The following HS6ST3 variants were observed in gnomAD, a reference collection of about 807,000 sequenced individuals.
HS6ST3 encodes the protein heparan sulfate 6-O-sulfotransferase 3.
A neutral mutation model predicts 36.7 loss-of-function variants in HS6ST3; 12 were observed. The ratio of observed to expected loss-of-function variants is 0.33; its 90% CI spans 0.21 to 0.53. The LOEUF (loss-of-function observed/expected upper bound fraction) is 0.53, where lower values mean the gene tolerates loss of function less well. Among genes scored for constraint, HS6ST3 ranks in the 20% least tolerant of loss-of-function variants. The pLI, the probability that HS6ST3 is intolerant of heterozygous loss-of-function variation, is 0.95. For missense variants in HS6ST3, 584 were observed against 640.9 expected, an observed-to-expected ratio of 0.91 and a Z score of 0.96; for synonymous variants, 240 against 257.5, an observed-to-expected ratio of 0.93 and a Z score of 0.65.
At chr13:96,650,398 C>T (rs969228053) in intron 1 of HS6ST3, among the ~76,000 whole-genome samples, 1 of 151,836 alleles carries the variant, frequency 6.6e-6, no homozygotes, top group African/African-American at 2.4e-5. Flanking sequence ...ACTTTCATTT[C>T]TGTCTTATAT....
intron 1 of HS6ST3, among the ~76,000 whole-genome samples, chr13:96,656,989 G>C (rs1478197671): frequency 7.1e-6 from 1 of 140,866 alleles, no homozygotes; most frequent in Non-Finnish European, 1.5e-5. Context: ...GTGTGTGTGT[G>C]TGTGTGTGTG....
At chr13:96,213,929 T>G (rs9525156) in intron 1 of HS6ST3, among the ~76,000 whole-genome samples, 73,004 of 151,910 alleles carry the variant, frequency 0.48, 17,922 homozygotes, top group Admixed American at 0.58. Flanking sequence ...TGTGAAATAT[T>G]TATACCTATG....
chr13:96,437,221 C>T (rs144875528), intron 1 of HS6ST3, among the ~76,000 whole-genome samples: 112 of 152,328 alleles, frequency 7.4e-4, no homozygotes, highest in African/African-American at 2.6e-3. Flanking sequence ...AGATCAGGCC[C>T]ATTCTCCAGC....
At chr13:96,496,381 C>T (rs1284590918) in intron 1 of HS6ST3, among the ~76,000 whole-genome samples, 1 of 152,130 alleles carries the variant, frequency 6.6e-6, no homozygotes, top group East Asian at 1.9e-4. Flanking sequence ...CTTGACCCAT[C>T]AAGAGGGACA....
At chr13:96,600,825 G>A (rs2056418811) in intron 1 of HS6ST3, among the ~76,000 whole-genome samples, 1 of 151,728 alleles carries the variant, frequency 6.6e-6, no homozygotes, top group South Asian at 2.1e-4. Context: ...TCTATATTTA[G>A]AACTCCTTTT....
chr13:96,690,801 A>G (rs1261138104), intron 1 of HS6ST3, among the ~76,000 whole-genome samples: 1 of 141,276 alleles, frequency 7.1e-6, no homozygotes. Flanking sequence ...GAACACATGT[A>G]GTAGATATAA....
chr13:96,261,791 T>G (rs1265923730), intron 1 of HS6ST3, among the ~76,000 whole-genome samples: 1 of 152,194 alleles, frequency 6.6e-6, no homozygotes, highest in African/African-American at 2.4e-5. Flanking sequence ...ATATGGTCCC[T>G]GTTTTATTTT....
intron 1 of HS6ST3, among the ~76,000 whole-genome samples, chr13:96,527,006 G>A (rs2056116866): frequency 6.6e-6 from 1 of 152,092 alleles, no homozygotes; most frequent in African/African-American, 2.4e-5. Context: ...AATAAAGATA[G>A]ATTTTTAAAT....
chr13:96,325,231 T>G (rs769187366), intron 1 of HS6ST3, among the ~76,000 whole-genome samples: 42 of 152,322 alleles, frequency 2.8e-4, no homozygotes, highest in Non-Finnish European at 5.7e-4. Context: ...TTTTGATAAG[T>G]ATTTCTTTTG....
At position 96,521,950 on chromosome 13, in the gene HS6ST3, C is replaced by T. The variant is rs997538525; in HGVS notation, c.708-310540C>T. On this transcript the variant is annotated intron_variant, in intron 1 of 1. Coordinates refer to ENST00000376705, the MANE Select transcript of HS6ST3 (RefSeq NM_153456.4). ...TCTTTTAATTGTGATGTTAGGGTGT[C>T]GATTTTCGATCTCTCCTGCTTTCTC... Among the ~76,000 whole-genome samples the T allele has an allele frequency of 3.3e-5, 5 of 152,138 alleles. No homozygotes were observed. In the East Asian group the frequency reaches 7.7e-4, roughly 24 times the overall value.
At chr13:96,271,311 A>G (rs1447466785) in intron 1 of HS6ST3, among the ~76,000 whole-genome samples, 2 of 151,918 alleles carry the variant, frequency 1.3e-5, no homozygotes, top group Non-Finnish European at 2.9e-5. Context: ...GGAAGTGGTA[A>G]GCTTTAAGTT....
intron 1 of HS6ST3, among the ~76,000 whole-genome samples, chr13:96,601,849 TG>T: frequency 6.6e-6 from 1 of 152,276 alleles, no homozygotes; most frequent in South Asian, 2.1e-4. Flanking sequence ...GCTTTGGATC[TG>T]GGTGCTTTCC....
At chr13:96,695,247 C>T (rs1875090984) in intron 1 of HS6ST3, among the ~76,000 whole-genome samples, 1 of 152,106 alleles carries the variant, frequency 6.6e-6, no homozygotes. Context: ...TCAATCATCC[C>T]ACTGAACATA....
intron 1 of HS6ST3, among the ~76,000 whole-genome samples, chr13:96,755,205 C>A (rs1319968410): frequency 6.6e-6 from 1 of 152,014 alleles, no homozygotes; most frequent in Admixed American, 6.6e-5. Flanking sequence ...TTTTGATCGC[C>A]ATAAATTAGT....
chr13:96,375,561 C>T (rs1463832395), intron 1 of HS6ST3, among the ~76,000 whole-genome samples: 1 of 152,192 alleles, frequency 6.6e-6, no homozygotes, highest in African/African-American at 2.4e-5. Context: ...CTCACAGTCT[C>T]TAACTTCAAG....
chr13:96,273,086 TAGAA>T (rs2054729334), intron 1 of HS6ST3, among the ~76,000 whole-genome samples: 1 of 151,952 alleles, frequency 6.6e-6, no homozygotes, highest in Non-Finnish European at 1.5e-5. Flanking sequence ...AATATTTCAT[TAGAA>T]AGACTAAGAA....
chr13:96,141,666 C>A (rs2054032530), intron 1 of HS6ST3, among the ~76,000 whole-genome samples: 1 of 152,038 alleles, frequency 6.6e-6, no homozygotes, highest in Non-Finnish European at 1.5e-5. Flanking sequence ...TGGGCAGTGC[C>A]CCTGGCTACC....
intron 1 of HS6ST3, among the ~76,000 whole-genome samples, chr13:96,761,532 G>A (rs1876971096): frequency 6.6e-6 from 1 of 151,624 alleles, no homozygotes; most frequent in Non-Finnish European, 1.5e-5. Flanking sequence ...ATTTATTTCA[G>A]GTGATTACTT....
At chr13:96,827,504 A>G (rs1878674124) in intron 1 of HS6ST3, among the ~76,000 whole-genome samples, 1 of 152,198 alleles carries the variant, frequency 6.6e-6, no homozygotes, top group Non-Finnish European at 1.5e-5. Context: ...ACATGAGAAT[A>G]TGTCTGTCTA....
Sources: allele counts gnomAD v4.1 joint callset (sites outside exome capture counted in the v4.1 genomes callset), GRCh38; gene constraint gnomAD v4.1.1; transcripts MANE v1.5; gene names NCBI Gene and HGNC (gene_info 2026-07-23, HGNC 2026-07-21).